GLDC: variants seen among roughly 807,000 people sequenced by gnomAD.
GLDC encodes the protein glycine dehydrogenase (decarboxylating), mitochondrial.
GLDC carries 104 observed loss-of-function variants against 121.3 expected under a neutral mutation model. That is an observed-to-expected ratio of 0.86 (90% CI 0.73 to 1.01). The LOEUF (loss-of-function observed/expected upper bound fraction) is 1.01. GLDC is among the 50% of genes least tolerant of loss of function. The pLI is 0.00. For missense variants in GLDC, 1,429 were observed against 1,306.6 expected (o/e 1.09, Z -1.44); for synonymous variants, 546 against 480.6 (o/e 1.14, Z -1.78).
intron 15 of GLDC, among the ~76,000 whole-genome samples, chr9:6,568,410 T>C (rs1817891792): frequency 6.6e-6 from 1 of 152,200 alleles, no homozygotes; most frequent in Admixed American, 6.5e-5. Flanking sequence ...CTATTATATA[T>C]GGAGGACAGG....
At chr9:6,644,940 T>C (rs1819709347) in intron 1 of GLDC, 1 of 612,666 alleles carries the variant, frequency 1.6e-6, no homozygotes, top group African/African-American at 1.9e-5. Flanking sequence ...AGCCCACTCT[T>C]AATCAGGGGG....
chr9:6,583,268 A>G (rs1031024456), intron 15 of GLDC, among the ~76,000 whole-genome samples: 31 of 152,350 alleles, frequency 2.0e-4, no homozygotes, highest in African/African-American at 6.3e-4. Flanking sequence ...TTGTACATCA[A>G]TGTAAAGTGG....
At chr9:6,607,433 C>T (rs1818757690) in intron 4 of GLDC, among the ~76,000 whole-genome samples, 2 of 151,556 alleles carry the variant, frequency 1.3e-5, no homozygotes, top group African/African-American at 2.4e-5. Context: ...AACTACAAAA[C>T]GTAGCCAGGC....
chr9:6,583,156 C>T (rs751304249), intron 15 of GLDC, among the ~76,000 whole-genome samples: 7 of 151,956 alleles, frequency 4.6e-5, no homozygotes, highest in African/African-American at 1.7e-4. Context: ...GACAGTACGG[C>T]GATTCCTCAA....
intron 2 of GLDC, among the ~76,000 whole-genome samples, chr9:6,643,672 T>C (rs2130025221): frequency 6.6e-6 from 1 of 152,160 alleles, no homozygotes; most frequent in Admixed American, 6.6e-5. Context: ...AATAAAATTC[T>C]AAGAAAGTCT....
In GLDC at chr9:6,589,226, T is replaced by C. The variant is rs1818329417; in HGVS notation, c.1549A>G (p.Ser517Gly). ...AACACTTGATGGGTGAGGAACGGGC[T>C]GGTCCTCTTGAACACAGACCCTGGA... ...GIPGSVFKRT[S>G]PFLTHQVFNS... The change falls in exon 12 of 25, where the codon AGC becomes GGC. Residue 517 changes from serine (S) to glycine (G), a missense_variant. Ser to Gly is a moderately conservative substitution (Grantham distance 56). Transcript: ENST00000321612. 6.2e-7 allele frequency: 1 copy of C among 1,608,102 alleles called. No homozygotes were observed. The highest frequency in any genetic ancestry group is 1.7e-4 in the Middle Eastern group (1 of 6,050).
rs750123280 is a variant in GLDC, at chr9:6,610,307, C to T, written c.520G>A (p.Glu174Lys). 2 of 1,613,932 alleles carry T rather than the reference C, an allele frequency of 1.2e-6. No homozygotes were observed. Among genetic ancestry groups the T allele is most frequent in the Non-Finnish European group, 1.7e-6 (2 of 1,179,856 alleles). The change falls in exon 4 of 25, where the codon GAG becomes AAG. Residue 174 changes from glutamate (E) to lysine (K), a missense_variant. Glu to Lys is a moderately conservative substitution (Grantham distance 56). Transcript: ENST00000321612. ...ATGGTCTGGTAGTTGAGTAAACTCTCCAGCCTCCCCTGAGACACCTCAGGC... is the reference window on the plus strand; with the variant it reads ...ATGGTCTGGTAGTTGAGTAAACTCTTCAGCCTCCCCTGAGACACCTCAGGC... ...YQPEVSQGRL[E>K]SLLNYQTMVC...
intron 24 of GLDC, among the ~76,000 whole-genome samples, chr9:6,533,698 A>C (rs1817048866): frequency 6.6e-6 from 1 of 151,930 alleles, no homozygotes. Context: ...ATCTCTACTA[A>C]AAATGCAAAA....
intron 2 of GLDC, among the ~76,000 whole-genome samples, chr9:6,625,741 A>G (rs1228992966): frequency 6.6e-6 from 1 of 151,556 alleles, no homozygotes; most frequent in Admixed American, 6.6e-5. Context: ...TTCCACTCCT[A>G]TGATAGTAGC....
intron 2 of GLDC, among the ~76,000 whole-genome samples, chr9:6,621,710 G>A (rs996779908): frequency 6.6e-6 from 1 of 152,118 alleles, no homozygotes; most frequent in East Asian, 1.9e-4. Context: ...TAGAGATGGG[G>A]TTTCACCATA....
chr9:6,557,069 AG>A (rs1817649207), intron 17 of GLDC, among the ~76,000 whole-genome samples: 1 of 152,116 alleles, frequency 6.6e-6, no homozygotes, highest in Admixed American at 6.5e-5. Context: ...AATTACAGCT[AG>A]ATAGGAGGAG....
chr9:6,566,059 T>C (rs1354424400), intron 15 of GLDC, among the ~76,000 whole-genome samples: 2 of 152,178 alleles, frequency 1.3e-5, no homozygotes, highest in African/African-American at 2.4e-5. Flanking sequence ...CTGGGCAGCA[T>C]GGCGGAACAG....
chr9:6,629,957 A>ATATATATAT, intron 2 of GLDC, among the ~76,000 whole-genome samples: 2 of 83,100 alleles, frequency 2.4e-5, no homozygotes, highest in African/African-American at 1.4e-4. Context: ...ATATATATAT[A>ATATATATAT]TTTTTTTTTT....
chr9:6,634,898 C>G (rs1311564395), intron 2 of GLDC, among the ~76,000 whole-genome samples: 1 of 152,190 alleles, frequency 6.6e-6, no homozygotes, highest in Non-Finnish European at 1.5e-5. Context: ...CTTCCACTTC[C>G]CTCTATAGTA....
At chr9:6,556,645 T>G (rs929354419) in intron 17 of GLDC, among the ~76,000 whole-genome samples, 4 of 151,926 alleles carry the variant, frequency 2.6e-5, no homozygotes, top group African/African-American at 9.7e-5. Flanking sequence ...ATACAAAGAT[T>G]AGCCGAGCAT....
chr9:6,553,281 T>G, intron 20 of GLDC, 87 bp downstream of exon 20: 1 of 1,200,564 alleles, frequency 8.3e-7, no homozygotes, highest in African/African-American at 1.5e-5. Context: ...TATTTGTTTT[T>G]AAGCCAAGAA....
At chr9:6,632,812 G>A (rs368589118) in intron 2 of GLDC, among the ~76,000 whole-genome samples, 3 of 152,054 alleles carry the variant, frequency 2.0e-5, no homozygotes, top group East Asian at 1.9e-4. Flanking sequence ...TCCTCCCCTC[G>A]GCTGAACTCA....
At chr9:6,558,984 CAGTT>C (rs1010359508) in intron 16 of GLDC, among the ~76,000 whole-genome samples, 13 of 152,166 alleles carry the variant, frequency 8.5e-5, no homozygotes, top group Admixed American at 3.9e-4. Flanking sequence ...AACCTTGTCT[CAGTT>C]AGGATACACA....
rs1474322311 is a variant in GLDC at position 6,604,569 on chromosome 9, G to C, written c.1058+19C>G. On this transcript the variant is annotated intron_variant, in intron 7 of 24. Transcript: ENST00000321612. The stretch of plus-strand genomic sequence containing the variant: ...AAATCATAATCACAATAAAAGTAGA[G>C]AAACATGAGCCCCTTTACCTTGTTA... The C allele has an allele frequency of 6.3e-7, 1 of 1,595,466 alleles. No individual in the cohort carries two copies. Among genetic ancestry groups the C allele is most frequent in the South Asian group, 1.1e-5 (1 of 90,624 alleles).
Sources: gnomAD v4.1 joint callset for allele counts (sites outside exome capture counted in the v4.1 genomes callset) on GRCh38, gnomAD v4.1.1 for gene constraint, MANE v1.5 for transcripts, NCBI Gene and HGNC (gene_info 2026-07-23, HGNC 2026-07-21) for gene names.